The following PRKAG2 variants were observed in gnomAD, a reference collection of about 807,000 sequenced individuals.
The protein encoded by PRKAG2 is 5'-AMP-activated protein kinase subunit gamma-2.
In PRKAG2, 26 loss-of-function variants were observed where a neutral mutation model predicts 69.6. The ratio of observed to expected loss-of-function variants is 0.37; its 90% CI spans 0.27 to 0.52. The LOEUF is 0.52. PRKAG2 is among the 20% of genes least tolerant of loss of function. The probability of loss-of-function intolerance (pLI) is 0.90; values close to 1 mark genes in which losing one functional copy is unlikely to be tolerated. For synonymous variants in PRKAG2, 293 were observed against 285.0 expected (o/e 1.03, Z -0.28); for missense variants, 557 against 740.0 (o/e 0.75, Z 2.87).
intron 3 of PRKAG2, among the ~76,000 whole-genome samples, chr7:151,682,397 C>A (rs1243804358): frequency 6.6e-6 from 1 of 151,804 alleles, no homozygotes; most frequent in African/African-American, 2.4e-5. Flanking sequence ...AATACCATTA[C>A]ACCAGCTAAT....
intron 4 of PRKAG2, among the ~76,000 whole-genome samples, chr7:151,672,856 G>A (rs1832289786): frequency 6.6e-6 from 1 of 152,094 alleles, no homozygotes; most frequent in South Asian, 2.1e-4. Flanking sequence ...CACGTGCTCT[G>A]GGTCAGCTGC....
intron 1 of PRKAG2, among the ~76,000 whole-genome samples, chr7:151,858,493 C>T (rs888472022): frequency 7.2e-5 from 11 of 152,182 alleles, no homozygotes; most frequent in African/African-American, 2.7e-4. Flanking sequence ...AGGTAAGCCT[C>T]AGTGGATAGT....
intron 5 of PRKAG2, among the ~76,000 whole-genome samples, chr7:151,601,455 T>A (rs1389883935): frequency 6.6e-6 from 1 of 152,156 alleles, no homozygotes; most frequent in Non-Finnish European, 1.5e-5. Context: ...TATTGTCTAG[T>A]GTGCATTCCT....
intron 3 of PRKAG2, among the ~76,000 whole-genome samples, chr7:151,730,329 G>A (rs901613815): frequency 6.6e-6 from 1 of 152,158 alleles, no homozygotes; most frequent in Non-Finnish European, 1.5e-5. Flanking sequence ...GTTAACCCTG[G>A]AAGACAGATG....
intron 3 of PRKAG2, among the ~76,000 whole-genome samples, chr7:151,682,226 G>A (rs917122919): frequency 6.6e-5 from 10 of 152,042 alleles, no homozygotes; most frequent in Admixed American, 5.9e-4. Context: ...GGGAAAATGG[G>A]CAATGCTGAC....
At chr7:151,580,180 C>A (rs544387377) in intron 6 of PRKAG2, among the ~76,000 whole-genome samples, 1 of 152,238 alleles carries the variant, frequency 6.6e-6, no homozygotes, top group Non-Finnish European at 1.5e-5. Context: ...AACCCCATCT[C>A]TACCAAAAAT....
chr7:151,677,696 C>T (rs1833162667), intron 3 of PRKAG2, among the ~76,000 whole-genome samples: 1 of 152,186 alleles, frequency 6.6e-6, no homozygotes, highest in South Asian at 2.1e-4. Context: ...TCGTGCCAGC[C>T]AGAGTTTTGG....
chr7:151,646,292 T>C (rs756878196), intron 4 of PRKAG2, among the ~76,000 whole-genome samples: 22 of 152,222 alleles, frequency 1.4e-4, no homozygotes, highest in Non-Finnish European at 2.9e-4. Flanking sequence ...GACAACAGTA[T>C]TAAGTGTTCC....
chr7:151,624,609 G>T (rs1473642428), intron 5 of PRKAG2, among the ~76,000 whole-genome samples: 1 of 152,172 alleles, frequency 6.6e-6, no homozygotes, highest in Non-Finnish European at 1.5e-5. Context: ...GGCCATGAAA[G>T]GAAGGTGTCA....
intron 3 of PRKAG2, among the ~76,000 whole-genome samples, chr7:151,715,919 G>C (rs1209443403): frequency 1.3e-5 from 2 of 152,150 alleles, no homozygotes; most frequent in Non-Finnish European, 2.9e-5. Flanking sequence ...GGCATCTTAG[G>C]CTTCCAGGAA....
intron 5 of PRKAG2, among the ~76,000 whole-genome samples, chr7:151,627,015 TTTTG>T (rs1280999788): frequency 6.6e-6 from 1 of 152,162 alleles, no homozygotes; most frequent in East Asian, 1.9e-4. Context: ...CACATTTTTG[TTTTG>T]TTTATTTGTA....
chr7:151,868,303 T>A (rs2080128509), intron 1 of PRKAG2, among the ~76,000 whole-genome samples: 1 of 152,220 alleles, frequency 6.6e-6, no homozygotes, highest in Non-Finnish European at 1.5e-5. Context: ...CAAATCACCT[T>A]CTTCTACTGG....
intron 1 of PRKAG2, among the ~76,000 whole-genome samples, chr7:151,865,913 G>C (rs370167855): frequency 6.6e-6 from 1 of 151,916 alleles, no homozygotes; most frequent in Non-Finnish European, 1.5e-5. Flanking sequence ...CCAGCTACTC[G>C]GGAGGCTGAG....
At chr7:151,867,151 C>T (rs2080100105) in intron 1 of PRKAG2, among the ~76,000 whole-genome samples, 1 of 152,196 alleles carries the variant, frequency 6.6e-6, no homozygotes, top group Admixed American at 6.5e-5. Context: ...GCCACCTCTC[C>T]AGGCCATGCC....
intron 1 of PRKAG2, among the ~76,000 whole-genome samples, chr7:151,812,774 G>A (rs541424817): frequency 7.2e-5 from 11 of 152,274 alleles, no homozygotes; most frequent in East Asian, 5.8e-4. Flanking sequence ...AGGCTGGACC[G>A]CAGGACACCT....
At chr7:151,673,082 C>T (rs1832330439) in intron 4 of PRKAG2, among the ~76,000 whole-genome samples, 1 of 152,174 alleles carries the variant, frequency 6.6e-6, no homozygotes, top group African/African-American at 2.4e-5. Flanking sequence ...ACCCAGAGCA[C>T]TCCCTGTATT....
At chr7:151,686,526 C>T (rs1834769955) in intron 3 of PRKAG2, among the ~76,000 whole-genome samples, 1 of 152,164 alleles carries the variant, frequency 6.6e-6, no homozygotes, top group African/African-American at 2.4e-5. Context: ...CCCCGGGTAC[C>T]AGGCGTTTAT....
chr7:151,747,024 T>C (rs936154807), intron 3 of PRKAG2, among the ~76,000 whole-genome samples: 1 of 152,116 alleles, frequency 6.6e-6, no homozygotes, highest in African/African-American at 2.4e-5. Context: ...CAAATTGTGA[T>C]GGGGCGGGGG....
chr7:151,764,362 A>C (rs1471324069), intron 3 of PRKAG2, among the ~76,000 whole-genome samples: 3 of 152,224 alleles, frequency 2.0e-5, no homozygotes, highest in African/African-American at 7.2e-5. Context: ...GGCTGTCCAG[A>C]GACCCAGAGG....
Sources: gnomAD v4.1 joint callset for allele counts (sites outside exome capture counted in the v4.1 genomes callset) on GRCh38, gnomAD v4.1.1 for gene constraint, MANE v1.5 for transcripts, NCBI Gene and HGNC (gene_info 2026-07-23, HGNC 2026-07-21) for gene names.